KLHL20: variants seen among roughly 807,000 people sequenced by gnomAD.
The protein encoded by KLHL20 is kelch-like protein 20.
Under a neutral mutation model 69.5 loss-of-function variants are expected in KLHL20, and 29 were observed. The ratio of observed to expected loss-of-function variants is 0.42; its 90% confidence interval spans 0.31 to 0.57. KLHL20 has a LOEUF of 0.57. KLHL20 is among the 20% of genes least tolerant of loss of function. KLHL20 has a pLI of 0.18. For synonymous variants in KLHL20, 253 were observed against 265.2 expected (o/e 0.95, Z 0.45); for missense variants, 419 against 776.0 (o/e 0.54, Z 5.47).
At chr1:173,738,952 T>C (rs532347124) in intron 3 of KLHL20, among the ~76,000 whole-genome samples, 1 of 152,270 alleles carries the variant, frequency 6.6e-6, no homozygotes, top group East Asian at 1.9e-4. Context: ...GTCTGTAGTT[T>C]TGTTTCTTTG....
intron 5 of KLHL20, among the ~76,000 whole-genome samples, chr1:173,753,927 A>T (rs1673421249): frequency 6.6e-6 from 1 of 152,260 alleles, no homozygotes; most frequent in African/African-American, 2.4e-5. Context: ...CCAATTTGAC[A>T]GATTGTAAGA....
In KLHL20 at chr1:173,732,083, G is replaced by C. The variant is rs369796492; in HGVS notation, c.24-1630G>C. Among the ~76,000 whole-genome samples, 34 of 152,114 alleles carry C rather than the reference G, an allele frequency of 2.2e-4. No homozygotes were observed. In the East Asian group the frequency reaches 5.6e-3, roughly 25 times the overall value. On this transcript the variant is annotated intron_variant, in intron 2 of 11. Transcript: ENST00000209884. ...ATGGTGGCACATGCCTGTAGTCCCA[G>C]CTACTTGGGAGGCTGAGGCAGGAGA...
chr1:173,781,973 T>G lies in KLHL20; in HGVS notation c.1639-151T>G, dbSNP rs752052887. The stretch of plus-strand genomic sequence containing the variant: ...TATAGTTCCCATAATTTGATAGACT[T>G]TTGTTGTTACATTTTCCCTGTGTTT... On this transcript the variant is annotated intron_variant, in intron 10 of 11. Transcript: ENST00000209884. The G allele has an allele frequency of 7.4e-4, 415 of 560,212 alleles. 2 individuals are homozygous for G. Among genetic ancestry groups the G allele is most frequent in the Non-Finnish European group, 7.1e-4 (219 of 309,040 alleles). 34.7% of individuals were successfully genotyped at this position (560,212 alleles called of 1,614,324 possible). A position where few individuals can be genotyped will look rare whatever the true frequency, so the allele number is the denominator to read the frequency against.
At chr1:173,742,019 A>G (rs927234525) in intron 3 of KLHL20, 1 of 507,566 alleles carries the variant, frequency 2.0e-6, no homozygotes, top group Non-Finnish European at 3.5e-6. Flanking sequence ...AGACGACATT[A>G]ATCTCCTTAT....
At chr1:173,721,682 T>C (rs1383164289) in intron 2 of KLHL20, among the ~76,000 whole-genome samples, 4 of 152,258 alleles carry the variant, frequency 2.6e-5, no homozygotes, top group African/African-American at 9.6e-5. Flanking sequence ...GTCTTGGGAC[T>C]AAAACATTCA....
At chr1:173,728,897 T>G (rs1571859280) in intron 2 of KLHL20, among the ~76,000 whole-genome samples, 3 of 151,900 alleles carry the variant, frequency 2.0e-5, no homozygotes, top group Admixed American at 2.0e-4. Flanking sequence ...CTGAAGGAAA[T>G]AGAGATGCAA....
At chr1:173,732,858 C>T (rs939735199) in intron 2 of KLHL20, among the ~76,000 whole-genome samples, 2 of 152,052 alleles carry the variant, frequency 1.3e-5, no homozygotes, top group African/African-American at 2.4e-5. Flanking sequence ...TATTTAATAT[C>T]TCTAGATATG....
At position 173,782,114 on chromosome 1, in the gene KLHL20, G is replaced by C; in HGVS notation, c.1639-10G>C. Reference sequence around the variant, plus strand: ...TTTCTTCAGCAGCTTACTGTATTTTGGTTTTGTAGGTTGGCCTGGCAGTGG... The same window carrying C: ...TTTCTTCAGCAGCTTACTGTATTTTCGTTTTGTAGGTTGGCCTGGCAGTGG... On this transcript the variant is annotated splice_polypyrimidine_tract_variant and intron_variant, in intron 10 of 11. Coordinates refer to ENST00000209884, the MANE Select transcript of KLHL20 (RefSeq NM_014458.4). 1 of 1,602,542 alleles carries C rather than the reference G, an allele frequency of 6.2e-7. No homozygotes were observed. Among genetic ancestry groups the C allele is most frequent in the South Asian group, 1.1e-5 (1 of 90,782 alleles).
intron 3 of KLHL20, among the ~76,000 whole-genome samples, chr1:173,750,450 C>G (rs1203427842): frequency 6.6e-6 from 1 of 151,786 alleles, no homozygotes; most frequent in Non-Finnish European, 1.5e-5. Flanking sequence ...GAAGGGACTA[C>G]AGGCACGCAC....
At chr1:173,768,881 A>C (rs753250940) in intron 8 of KLHL20, among the ~76,000 whole-genome samples, 9 of 152,228 alleles carry the variant, frequency 5.9e-5, no homozygotes, top group Non-Finnish European at 8.8e-5. Context: ...GACCTGCATG[A>C]TATTAGTATC....
At position 173,760,749 on chromosome 1, in the gene KLHL20, A is replaced by G. The variant is rs191835854; in HGVS notation, c.1151+3590A>G. On this transcript the variant is annotated intron_variant, in intron 7 of 11. Transcript: ENST00000209884. ...ATCTTGAAAGAAATCCTGGAAACAC[A>G]TCAAAACAGAACCTCTTTAAAGCAT... is the stretch of plus-strand genomic sequence containing the variant. Among the ~76,000 whole-genome samples the G allele has an allele frequency of 1.2e-3, 189 of 152,336 alleles. 1 individual carries two copies. Among genetic ancestry groups the G allele is most frequent in the Admixed American group, 0.01 (157 of 15,302 alleles).
intron 5 of KLHL20, among the ~76,000 whole-genome samples, chr1:173,755,411 T>C (rs1673507312): frequency 6.6e-6 from 1 of 152,162 alleles, no homozygotes; most frequent in Admixed American, 6.5e-5. Flanking sequence ...AGACAGGAAA[T>C]ATGTCTCGGT....
intron 5 of KLHL20, among the ~76,000 whole-genome samples, chr1:173,755,059 C>CTTTTTT (rs372616022): frequency 4.5e-5 from 6 of 133,540 alleles, no homozygotes; most frequent in African/African-American, 5.6e-5. Flanking sequence ...AAGTCTTTGT[C>CTTTTTT]TTTTTTTTTT....
intron 3 of KLHL20, among the ~76,000 whole-genome samples, chr1:173,750,962 C>T (rs1673283149): frequency 6.6e-6 from 1 of 152,048 alleles, no homozygotes. Flanking sequence ...TAACCCTGTC[C>T]CAAGAGAATC....
intron 2 of KLHL20, among the ~76,000 whole-genome samples, chr1:173,722,063 G>A (rs902378532): frequency 1.3e-5 from 2 of 152,098 alleles, no homozygotes; most frequent in African/African-American, 4.8e-5. Context: ...TTGGCTTGTG[G>A]TTCTGCAAGC....
intron 2 of KLHL20, among the ~76,000 whole-genome samples, chr1:173,719,918 G>A (rs1286732125): frequency 6.6e-6 from 1 of 152,036 alleles, no homozygotes; most frequent in Non-Finnish European, 1.5e-5. Context: ...CTCTATTCCT[G>A]TATATTGTGT....
intron 2 of KLHL20, among the ~76,000 whole-genome samples, chr1:173,729,474 A>G (rs1006745979): frequency 3.3e-5 from 5 of 152,254 alleles, no homozygotes; most frequent in Admixed American, 6.5e-5. Context: ...AAACTTCTCA[A>G]TAAAATACTG....
intron 2 of KLHL20, among the ~76,000 whole-genome samples, chr1:173,717,984 G>T (rs1671540748): frequency 6.6e-6 from 1 of 152,118 alleles, no homozygotes; most frequent in Non-Finnish European, 1.5e-5. Context: ...CTCTCCCATT[G>T]CTGACCCCAG....
At chr1:173,746,023 G>GC in intron 3 of KLHL20, among the ~76,000 whole-genome samples, 2 of 151,898 alleles carry the variant, frequency 1.3e-5, no homozygotes, top group Admixed American at 6.6e-5. Flanking sequence ...TTTATTAGGA[G>GC]CAGTGTTGAA....
Sources: gnomAD v4.1 joint callset for allele counts (sites outside exome capture counted in the v4.1 genomes callset) on GRCh38, gnomAD v4.1.1 for gene constraint, MANE v1.5 for transcripts, NCBI Gene and HGNC (gene_info 2026-07-23, HGNC 2026-07-21) for gene names.